WDR33: variants seen among roughly 807,000 people sequenced by gnomAD.
WDR33 encodes the protein pre-mRNA 3' end processing protein WDR33.
Under a neutral mutation model 164.9 loss-of-function variants are expected in WDR33, and 47 were observed. That is an observed-to-expected ratio of 0.29 (90% confidence interval 0.23 to 0.36). The LOEUF (loss-of-function observed/expected upper bound fraction) is 0.36, where lower values mean the gene tolerates loss of function less well. Ranked by LOEUF, WDR33 falls within the 10% of genes least tolerant of loss-of-function variation. WDR33 has a pLI of 1.00. For missense variants in WDR33, 1,137 were observed against 1,754.1 expected (o/e 0.65, Z 6.28); for synonymous variants, 505 against 589.0 (o/e 0.86, Z 2.06).
At position 127,721,848 on chromosome 2, in the gene WDR33, T is replaced by A. The variant is rs761985991; in HGVS notation, c.1659A>T (p.Pro553=). The change falls in exon 15 of 22, where the codon CCA becomes CCT. Residue 553 remains proline (P), a synonymous_variant. Coordinates refer to ENST00000322313, the MANE Select transcript of WDR33 (RefSeq NM_018383.5). The surrounding 1 kb of genome is among the most constrained non-coding windows in gnomAD (Gnocchi z 4.9). ...GAGCTTCACACACCTCCAGAAGTTG[T>A]GGGTTAGTATATTGTAATGTAGCCA... is the stretch of plus-strand genomic sequence containing the variant. The part of the protein sequence containing the change: ...QEMATLQYTN[P]QLLEQLKIER... The A allele has an allele frequency of 6.2e-7, 1 of 1,610,890 alleles. No homozygotes were observed.
intron 1 of WDR33, among the ~76,000 whole-genome samples, chr2:127,777,871 C>CAA (rs1277341165): frequency 1.3e-5 from 2 of 152,202 alleles, no homozygotes; most frequent in East Asian, 3.8e-4. Context: ...CTCAGCCTCT[C>CAA]AAAGTGGTGG....
intron 1 of WDR33, among the ~76,000 whole-genome samples, chr2:127,810,337 GCCT>G (rs1375612521): frequency 6.6e-6 from 1 of 152,070 alleles, no homozygotes; most frequent in Non-Finnish European, 1.5e-5. Flanking sequence ...TGCCGCCGCC[GCCT>G]CCTCCTTACT....
In WDR33 at chr2:127,756,132, G is replaced by C. The variant is rs1295759845; in HGVS notation, c.724+6930C>G. 2.6e-5 allele frequency among the ~76,000 whole-genome samples: 4 copies of C among 151,980 alleles called. No homozygotes were observed. The East Asian group carries it at 7.7e-4, about 29-fold the overall frequency. On this transcript the variant is annotated intron_variant, in intron 7 of 21. Transcript: ENST00000322313. The stretch of plus-strand genomic sequence containing the variant: ...GCGGATCACTTGAGGTCAGGAGTTC[G>C]AGACCAGCCTGGCTGACATGGTGAA...
intron 1 of WDR33, among the ~76,000 whole-genome samples, chr2:127,786,676 T>A (rs1174066806): frequency 3.3e-5 from 5 of 152,146 alleles, no homozygotes; most frequent in African/African-American, 4.8e-5. Context: ...ACAGCAAGAC[T>A]CTGTCTCAAA....
chr2:127,803,411 C>G (rs1689320302), intron 1 of WDR33, among the ~76,000 whole-genome samples: 1 of 152,064 alleles, frequency 6.6e-6, no homozygotes, highest in East Asian at 1.9e-4. Context: ...AAAACCCCAT[C>G]TCTACTAAAA....
Position 127,719,662 on chromosome 2 carries a change from G to A in WDR33, c.2363C>T (p.Pro788Leu). Residue 788 changes from proline (P) to leucine (L), a missense_variant, in exon 16 of 22, where the codon CCA (proline) becomes CTA (leucine). Transcript: ENST00000322313. This position sits in a 1 kb window ranked among gnomAD's most constrained non-coding sequence, Gnocchi z 6.5. ...GLNPRGMQGP[P>L]GPRENQGPAP... Reference sequence around the variant, plus strand: ...AGGACCCTGGTTCTCCCGGGGGCCTGGAGGCCCCTGCATTCCTCTTGGATT... The same window carrying A: ...AGGACCCTGGTTCTCCCGGGGGCCTAGAGGCCCCTGCATTCCTCTTGGATT... The A allele has an allele frequency of 2.5e-6, 4 of 1,613,626 alleles. No individual in the cohort carries two copies. Among genetic ancestry groups the A allele is most frequent in the East Asian group, 2.2e-5 (1 of 44,872 alleles).
intron 4 of WDR33, 61 bp from the exon 5 acceptor site, chr2:127,765,330 T>C (rs150563993): frequency 8.1e-7 from 1 of 1,227,762 alleles, no homozygotes; most frequent in Non-Finnish European, 1.2e-6. Context: ...GAAAAACATA[T>C]TAAAGGTATT....
Position 127,721,359 on chromosome 2 carries a change from C to T in WDR33, c.1671+477G>A, listed in dbSNP as rs956217768. Among the ~76,000 whole-genome samples the T allele has an allele frequency of 6.6e-6, 1 of 151,806 alleles. No individual in the cohort carries two copies. Among genetic ancestry groups the T allele is most frequent in the South Asian group, 2.1e-4 (1 of 4,814 alleles). On this transcript the variant is annotated intron_variant, in intron 15 of 21. Coordinates refer to ENST00000322313, the MANE Select transcript of WDR33 (RefSeq NM_018383.5). This position sits in a 1 kb window ranked among gnomAD's most constrained non-coding sequence, Gnocchi z 4.9. ...CTGATCTCAGGTGATCTGTCTGCCT[C>T]GGCCTCCCAAAGTGCTGGGATTACA... is the stretch of plus-strand genomic sequence containing the variant.
chr2:127,731,843 T>A (rs1346747785), intron 7 of WDR33, among the ~76,000 whole-genome samples: 1 of 152,118 alleles, frequency 6.6e-6, no homozygotes, highest in Non-Finnish European at 1.5e-5. Context: ...GCCAGTACTT[T>A]GGGAGGCTGA....
chr2:127,718,270 CT>C lies in WDR33; in HGVS notation c.2760+994del, dbSNP rs149401040. 0.014 allele frequency among the ~76,000 whole-genome samples: 2,157 copies of C among 152,168 alleles called. 25 individuals carry two copies. The highest frequency in any genetic ancestry group is 0.068 in the Middle Eastern group (20 of 294). ...ATTTGAAAAACCAAAACAGACTGTGCTTTCTACATCTGTAGCATCCCCTTTC... is the reference window on the plus strand; with the variant it reads ...ATTTGAAAAACCAAAACAGACTGTGCTTCTACATCTGTAGCATCCCCTTTC... On this transcript the variant is annotated intron_variant, in intron 16 of 21. Coordinates refer to ENST00000322313, the MANE Select transcript of WDR33 (RefSeq NM_018383.5). This position sits in a 1 kb window ranked among gnomAD's most constrained non-coding sequence, Gnocchi z 4.4.
intron 1 of WDR33, among the ~76,000 whole-genome samples, chr2:127,788,467 G>A (rs1157258879): frequency 4.5e-4 from 59 of 130,438 alleles, no homozygotes; most frequent in African/African-American, 1.6e-3. Context: ...CTGGCCGGGC[G>A]GGGGGCTGAC....
Position 127,710,383 on chromosome 2 carries a change from G to A in WDR33, c.3309-527C>T, listed in dbSNP as rs879740433. Among the ~76,000 whole-genome samples the A allele has an allele frequency of 6.6e-6, 1 of 152,204 alleles. No individual in the cohort carries two copies. The highest frequency in any genetic ancestry group is 1.5e-5 in the Non-Finnish European group (1 of 68,032). On this transcript the variant is annotated intron_variant, in intron 18 of 21. Coordinates refer to ENST00000322313, the MANE Select transcript of WDR33 (RefSeq NM_018383.5). The surrounding 1 kb of genome is among the most constrained non-coding windows in gnomAD (Gnocchi z 4.4). ...AAAAATGGGGGCACAGATCGTGTCT[G>A]CCAACCATACTGGACCTGTCTGTAG...
At chr2:127,803,824 G>A (rs980715652) in intron 1 of WDR33, among the ~76,000 whole-genome samples, 1 of 151,794 alleles carries the variant, frequency 6.6e-6, no homozygotes, top group Non-Finnish European at 1.5e-5. Context: ...ATTAACTGGG[G>A]TTAGTGCCAG....
At chr2:127,733,083 G>A (rs1036209595) in intron 7 of WDR33, among the ~76,000 whole-genome samples, 9 of 152,136 alleles carry the variant, frequency 5.9e-5, no homozygotes, top group African/African-American at 7.2e-5. Flanking sequence ...GTGACTAGAC[G>A]TTATAGTACT....
Position 127,724,566 on chromosome 2 carries a change from G to T in WDR33, c.1086-123C>A. The T allele has an allele frequency of 1.2e-6, 1 of 823,246 alleles. No individual in the cohort carries two copies. Among genetic ancestry groups the T allele is most frequent in the East Asian group, 2.6e-5 (1 of 38,162 alleles). 51.0% of individuals were successfully genotyped at this position (823,246 alleles called of 1,614,324 possible). ...CTACCAAAGCCTGGACTTGGACTCT[G>T]GTGAATTCCACATGTCTCGGGGTAT... On this transcript the variant is annotated intron_variant, in intron 10 of 21. Coordinates refer to ENST00000322313, the MANE Select transcript of WDR33 (RefSeq NM_018383.5). This position sits in a 1 kb window ranked among gnomAD's most constrained non-coding sequence, Gnocchi z 4.8.
In WDR33 at chr2:127,735,724, G is replaced by A; in HGVS notation, c.725-8947C>T. On this transcript the variant is annotated intron_variant, in intron 7 of 21. Transcript: ENST00000322313. The surrounding 1 kb of genome is among the most constrained non-coding windows in gnomAD (Gnocchi z 4.3). ...TGGCCCATAGCCAGATACTCCAGTT[G>A]GACAGAGGATTTAAGATTTTAAAAA... 7.1e-6 allele frequency: 7 copies of A among 985,596 alleles called. No homozygotes were observed. The highest frequency in any genetic ancestry group is 8.4e-6 in the Non-Finnish European group (7 of 829,920). 61.1% of individuals were successfully genotyped at this position (985,596 alleles called of 1,614,324 possible).
At position 127,713,862 on chromosome 2, in the gene WDR33, G is replaced by A. The variant is rs757138222; in HGVS notation, c.3029C>T (p.Pro1010Leu). ...GTCATCTGGTCTGCTGAAGTCATCG[G>A]GGAAGTCTGGGTGAGGGCCACGCCT... The part of the protein sequence containing the change: ...PDRRGPHPDF[P>L]DDFSRPDDFH... Residue 1010 changes from proline to leucine, a missense_variant, in exon 18 of 22, where the codon CCC (proline) becomes CTC (leucine). Pro to Leu is a moderately conservative substitution (Grantham distance 98). Around this residue, in one of 9 missense-constraint regions of WDR33, gnomAD observed 867 missense variants for 1,073.0 expected, o/e 0.81. Transcript: ENST00000322313. This position sits in a 1 kb window ranked among gnomAD's most constrained non-coding sequence, Gnocchi z 6.2. 1 of 1,614,236 alleles carries A rather than the reference G, an allele frequency of 6.2e-7. No homozygotes were observed. The highest frequency in any genetic ancestry group is 8.5e-7 in the Non-Finnish European group (1 of 1,180,038).
At chr2:127,736,521 CCA>C in intron 7 of WDR33, 3 of 985,364 alleles carry the variant, frequency 3.0e-6, no homozygotes, top group Non-Finnish European at 3.6e-6. Flanking sequence ...GGTAGATGCA[CCA>C]TAAATCTGGC....
Position 127,724,944 on chromosome 2 carries a change from T to A in WDR33, c.1028A>T (p.His343Leu). ...CCCTCCACTGGCAAAAAGTCCTTCA[T>A]GAACAGGATGCCAGGCCACAGCTGC... ...EATAVAWHPV[H>L]EGLFASGGSD... The change falls in exon 10 of 22, where the codon CAT becomes CTT. Residue 343 changes from histidine (H) to leucine (L), a missense_variant. Physicochemically the swap from His to Leu is moderately conservative, Grantham distance 99. Transcript: ENST00000322313. The surrounding 1 kb of genome is among the most constrained non-coding windows in gnomAD (Gnocchi z 4.8). 1 of 1,614,146 alleles carries A rather than the reference T, an allele frequency of 6.2e-7. No homozygotes were observed. Among genetic ancestry groups the A allele is most frequent in the East Asian group, 2.2e-5 (1 of 44,888 alleles).
Sources: gnomAD v4.1 joint callset for allele counts (sites outside exome capture counted in the v4.1 genomes callset) on GRCh38, gnomAD v4.1.1 for gene constraint, gnomAD v4.1.1 regional missense constraint, Gnocchi (gnomAD v3.1) non-coding constraint, MANE v1.5 for transcripts, NCBI Gene and HGNC (gene_info 2026-07-23, HGNC 2026-07-21) for gene names.